Variants in DOK4 observed in about 807,000 individuals in gnomAD.
The protein encoded by DOK4 is docking protein 4.
DOK4 carries 26 observed loss-of-function variants against 40.1 expected under a neutral mutation model. The observed-to-expected ratio is 0.65, with a 90% CI of 0.48 to 0.90. DOK4 has a LOEUF of 0.90. DOK4 is among the 40% of genes least tolerant of loss of function. DOK4 has a pLI of 0.00. For missense variants in DOK4, 392 were observed against 437.2 expected, an observed-to-expected ratio of 0.90 and a Z score of 0.92; for synonymous variants, 179 against 177.0, an observed-to-expected ratio of 1.01 and a Z score of -0.09.
exon 9 of DOK4, chr16:57,472,670 C>G (rs529386659): frequency 6.6e-6 from 1 of 152,424 alleles, no homozygotes; most frequent in Non-Finnish European, 1.5e-5. Context: ...GCACCCCTAC[C>G]CCAGGGGCAT....
At chr16:57,472,978 G>A (rs1201575556) in exon 9 of DOK4, 1 of 170,906 alleles carries the variant, frequency 5.9e-6, no homozygotes, top group African/African-American at 2.4e-5. Context: ...CCTGGCAGCA[G>A]GAGGGCTGTG....
upstream of DOK4, chr16:57,486,616 A>C (rs2031551975): frequency 7.1e-6 from 1 of 141,190 alleles, no homozygotes; most frequent in African/African-American, 2.7e-5. Flanking sequence ...GCGCCCTGGC[A>C]CCCCCGCACC....
At chr16:57,473,857 T>TTCCCCCC in intron 7 of DOK4, 44 bp downstream of exon 7, 1 of 1,538,976 alleles carries the variant, frequency 6.5e-7, no homozygotes, top group Non-Finnish European at 8.9e-7. Context: ...TGCCCGCCCG[T>TTCCCCCC]TCCCCCCTCC....
exon 9 of DOK4, chr16:57,473,187 C>T (rs1320961450): frequency 3.9e-6 from 3 of 769,486 alleles, no homozygotes; most frequent in African/African-American, 1.8e-5. Context: ...TCCAACCCCT[C>T]ACACATGCTC....
chr16:57,473,812 G>A (rs2031000612), intron 7 of DOK4, 76 bp from the exon 8 acceptor site: 2 of 1,592,068 alleles, frequency 1.3e-6, no homozygotes, highest in South Asian at 1.2e-5. Context: ...GACCCTACCT[G>A]CCTCCACTGT....
chr16:57,475,602 C>A (rs367612002), exon 4 of DOK4: 12 of 1,605,004 alleles, frequency 7.5e-6, no homozygotes, highest in African/African-American at 1.3e-5. Flanking sequence ...ACACACTTGA[C>A]GTTGCTGATC....
chr16:57,472,684 C>T (rs1332545795), exon 9 of DOK4: 1 of 152,406 alleles, frequency 6.6e-6, no homozygotes, highest in Non-Finnish European at 1.5e-5. Context: ...GGGGCATCTT[C>T]CCAGCCTACA....
At chr16:57,475,953 T>G in exon 3 of DOK4, 1 of 1,612,158 alleles carries the variant, frequency 6.2e-7, no homozygotes, top group Non-Finnish European at 8.5e-7. Context: ...GCACCTCCGG[T>G]AGATCTGTGG....
chr16:57,473,886 T>A lies in DOK4; in HGVS notation c.738+15A>T. On this transcript the variant is annotated intron_variant, in intron 7 of 8. Transcript: ENST00000340099. ...CCCCTCCCCCCGTACCCTGGACTGA[T>A]GCCCGCTGCCTCACCCTCACGTTCT... is the stretch of plus-strand genomic sequence containing the variant. 6.5e-7 allele frequency: 1 copy of A among 1,544,210 alleles called. No homozygotes were observed. The highest frequency in any genetic ancestry group is 1.9e-4 in the Middle Eastern group (1 of 5,292).
exon 9 of DOK4, chr16:57,473,169 A>G: frequency 7.7e-6 from 5 of 649,720 alleles, no homozygotes; most frequent in Non-Finnish European, 1.3e-5. Flanking sequence ...ATATAGTCCC[A>G]CGGTAGCTCC....
chr16:57,477,793 A>C (rs1485882420), intron 2 of DOK4, among the ~76,000 whole-genome samples: 1 of 152,132 alleles, frequency 6.6e-6, no homozygotes, highest in Non-Finnish European at 1.5e-5. Flanking sequence ...GTGGGCTGAG[A>C]TGAGAATGGC....
At position 57,479,216 on chromosome 16, in the gene DOK4, T is replaced by C. The variant is rs1441029738; in HGVS notation, c.66+226A>G. 1.3e-5 allele frequency among the ~76,000 whole-genome samples: 2 copies of C among 152,234 alleles called. No individual in the cohort carries two copies. The highest frequency in any genetic ancestry group is 2.9e-5 in the Non-Finnish European group (2 of 68,024). On this transcript the variant is annotated intron_variant, in intron 2 of 8. Coordinates refer to ENST00000340099, the Ensembl canonical transcript of DOK4. This position sits in a 1 kb window ranked among gnomAD's most constrained non-coding sequence, Gnocchi z 5.8. Reference sequence around the variant, plus strand: ...CCACTACCACCACCACTGGCCCAGCTGTTGGGATGCCAGCCAGCCCTCTGG... The same window carrying C: ...CCACTACCACCACCACTGGCCCAGCCGTTGGGATGCCAGCCAGCCCTCTGG...
exon 4 of DOK4, chr16:57,475,577 T>C (rs2031115305): frequency 6.2e-7 from 1 of 1,609,486 alleles, no homozygotes; most frequent in South Asian, 1.1e-5. Flanking sequence ...CTTGGTCTCC[T>C]TGGGGAGCCG....
intron 2 of DOK4, among the ~76,000 whole-genome samples, chr16:57,477,715 G>C (rs971907466): frequency 1.3e-5 from 2 of 152,186 alleles, no homozygotes; most frequent in Non-Finnish European, 2.9e-5. Flanking sequence ...GCTCTGCCGC[G>C]GGAGAAAGGC....
At chr16:57,482,764 G>A (rs2031452258) in intron 1 of DOK4, among the ~76,000 whole-genome samples, 1 of 152,170 alleles carries the variant, frequency 6.6e-6, no homozygotes, top group African/African-American at 2.4e-5. Flanking sequence ...TGAGATTACA[G>A]GTGTGAGCAA....
Position 57,479,621 on chromosome 16 carries a change from C to G in DOK4, c.-114G>C, listed in dbSNP as rs2146655797. ...TGTTCCAGACACTCTGTCGGGGCTG[C>G]CGCGAGGGGCTGCTCCTCACCTCAC... On this transcript the variant is annotated 5_prime_UTR_variant, in exon 2 of 9. Coordinates refer to ENST00000340099, the Ensembl canonical transcript of DOK4. The surrounding 1 kb of genome is among the most constrained non-coding windows in gnomAD (Gnocchi z 5.8). The G allele has an allele frequency of 8.9e-7, 1 of 1,127,136 alleles. No homozygotes were observed. The highest frequency in any genetic ancestry group is 1.3e-5 in the South Asian group (1 of 76,038). 69.8% of individuals were successfully genotyped at this position (1,127,136 alleles called of 1,614,324 possible).
chr16:57,473,355 T>C, exon 9 of DOK4: 2 of 1,604,130 alleles, frequency 1.2e-6, no homozygotes, highest in Non-Finnish European at 8.5e-7. Context: ...CCAGCAGTCA[T>C]CGGTGCTCGC....
intron 1 of DOK4, among the ~76,000 whole-genome samples, chr16:57,482,107 G>A (rs146121909): frequency 0.035 from 5,265 of 151,380 alleles, 201 homozygotes; most frequent in East Asian, 0.19. Flanking sequence ...CTCATGATCC[G>A]CCCGCCTCGG....
At chr16:57,475,350 A>C in intron 4 of DOK4, 131 bp from the exon 5 acceptor site, 1 of 1,482,602 alleles carries the variant, frequency 6.7e-7, no homozygotes, top group Non-Finnish European at 9.1e-7. Flanking sequence ...GTCTTGCCTC[A>C]ACCCTGAGGG....
Sources: gnomAD v4.1 joint callset for allele counts (sites outside exome capture counted in the v4.1 genomes callset) on GRCh38, gnomAD v4.1.1 for gene constraint, Gnocchi (gnomAD v3.1) non-coding constraint, MANE v1.5 for transcripts, NCBI Gene and HGNC (gene_info 2026-07-23, HGNC 2026-07-21) for gene names.